Variants in ABCA1 observed in about 807,000 individuals in gnomAD.
ABCA1 encodes ATP binding cassette subfamily A member 1.
In ABCA1, 133 loss-of-function variants were observed where a neutral mutation model predicts 262.5. That is an observed-to-expected ratio of 0.51 (90% CI 0.44 to 0.59). The LOEUF (loss-of-function observed/expected upper bound fraction) is 0.59. Ranked by LOEUF, ABCA1 falls within the 20% of genes least tolerant of loss-of-function variation. The pLI is 0.00. For missense variants in ABCA1, 2,452 were observed against 2,777.5 expected (o/e 0.88, Z 2.63); for synonymous variants, 1,022 against 1,043.5 (o/e 0.98, Z 0.40).
At chr9:104,835,287 A>G (rs1295114299) in intron 11 of ABCA1, among the ~76,000 whole-genome samples, 4 of 151,814 alleles carry the variant, frequency 2.6e-5, no homozygotes, top group Admixed American at 2.6e-4. Context: ...GAAGCAAAGA[A>G]AACAGTTGGA....
intron 2 of ABCA1, among the ~76,000 whole-genome samples, chr9:104,899,362 T>A (rs1688438377): frequency 6.6e-6 from 1 of 152,174 alleles, no homozygotes. Flanking sequence ...GTTTTAATTT[T>A]TGGATAGTTC....
intron 19 of ABCA1, 144 bp from the exon 20 acceptor site, chr9:104,821,650 A>G (rs1392052660): frequency 5.2e-6 from 5 of 954,128 alleles, no homozygotes; most frequent in Non-Finnish European, 7.8e-6. Context: ...GACCCACACA[A>G]AGCAAAGCTG....
In ABCA1 at chr9:104,784,321, A is replaced by G. The variant is rs780958155; in HGVS notation, c.6780T>C (p.Tyr2260=). Residue 2260 remains tyrosine, a synonymous_variant, in exon 50 of 50, where the codon TAT becomes TAC. Coordinates refer to ENST00000374736, the MANE Select transcript of ABCA1 (RefSeq NM_005502.4). ...FLQDEKVKES[Y]V ...CCCGTATGAACAGGATTCTTCATAC[A>G]TAGCTTTCTTTCACTTTCTCATCCT... 1 of 1,614,132 alleles carries G rather than the reference A, an allele frequency of 6.2e-7. No individual in the cohort carries two copies. The highest frequency in any genetic ancestry group is 8.5e-7 in the Non-Finnish European group (1 of 1,180,000).
At chr9:104,869,804 C>T (rs1276825911) in intron 5 of ABCA1, among the ~76,000 whole-genome samples, 2 of 152,102 alleles carry the variant, frequency 1.3e-5, no homozygotes, top group African/African-American at 4.8e-5. Context: ...CAAGACATAC[C>T]TGAAAAAACT....
At chr9:104,846,783 C>T (rs1179548264) in intron 7 of ABCA1, among the ~76,000 whole-genome samples, 5 of 152,138 alleles carry the variant, frequency 3.3e-5, no homozygotes, top group African/African-American at 4.8e-5. Flanking sequence ...AAGGGACCTA[C>T]GCGGTCTCCC....
intron 11 of ABCA1, among the ~76,000 whole-genome samples, chr9:104,835,103 C>T (rs887745051): frequency 6.6e-6 from 1 of 152,008 alleles, no homozygotes; most frequent in African/African-American, 2.4e-5. Flanking sequence ...CAAAAATTAG[C>T]CGGGCACAGT....
intron 2 of ABCA1, among the ~76,000 whole-genome samples, chr9:104,895,722 T>C (rs911560203): frequency 2.0e-5 from 3 of 152,204 alleles, no homozygotes; most frequent in Non-Finnish European, 2.9e-5. Context: ...ACTTGATTAT[T>C]CATGCCTGAC....
intron 2 of ABCA1, among the ~76,000 whole-genome samples, chr9:104,902,164 A>T: frequency 6.6e-6 from 1 of 152,188 alleles, no homozygotes; most frequent in East Asian, 1.9e-4. Context: ...GAGGATTTTA[A>T]ACACTTTGTT....
intron 3 of ABCA1, 135 bp from the exon 4 acceptor site, chr9:104,884,703 T>A: frequency 4.9e-6 from 5 of 1,027,660 alleles, no homozygotes; most frequent in Non-Finnish European, 7.4e-6. Flanking sequence ...CTGTCTCTTC[T>A]GAATAAAACT....
At chr9:104,795,180 G>A (rs1369088288) in intron 39 of ABCA1, among the ~76,000 whole-genome samples, 1 of 152,218 alleles carries the variant, frequency 6.6e-6, no homozygotes, top group Non-Finnish European at 1.5e-5. Flanking sequence ...GCTAAATCTT[G>A]AAGGGCAAGG....
chr9:104,788,475 A>G lies in ABCA1; in HGVS notation c.6020T>C (p.Val2007Ala). 1 of 1,614,176 alleles carries G rather than the reference A, an allele frequency of 6.2e-7. No homozygotes were observed. The highest frequency in any genetic ancestry group is 8.5e-7 in the Non-Finnish European group (1 of 1,180,022). Reference sequence around the variant, plus strand: ...TCCTCTCAAAAGGGCAAAGAACTCCACGTGTTCTCTCCCAGTCAACAGCTC... The same window carrying G: ...TCCTCTCAAAAGGGCAAAGAACTCCGCGTGTTCTCTCCCAGTCAACAGCTC... ...ITELLTGREH[V>A]EFFALLRGVP... Residue 2007 changes from valine to alanine, a missense_variant, in exon 45 of 50, where the codon GTG becomes GCG. Physicochemically the swap from Val to Ala is moderately conservative, Grantham distance 64 (BLOSUM62 0). This residue lies in a region of ABCA1 where 752 missense variants were observed against 944.5 expected (regional missense o/e 0.80). Transcript: ENST00000374736.
intron 7 of ABCA1, among the ~76,000 whole-genome samples, chr9:104,847,812 A>G (rs1478275867): frequency 6.6e-6 from 1 of 152,262 alleles, no homozygotes; most frequent in Non-Finnish European, 1.5e-5. Context: ...GCCAAACGGC[A>G]AAATAAAAGA....
chr9:104,912,454 C>G (rs925746207), intron 1 of ABCA1, among the ~76,000 whole-genome samples: 12 of 152,314 alleles, frequency 7.9e-5, no homozygotes, highest in Admixed American at 5.9e-4. Context: ...CCATCTATAT[C>G]ATGTCACTGA....
chr9:104,889,026 T>A (rs1263963120), intron 3 of ABCA1, 76 bp downstream of exon 3: 56 of 1,301,724 alleles, frequency 4.3e-5, no homozygotes, highest in Non-Finnish European at 6.1e-5. Flanking sequence ...TTTGGAAAAG[T>A]CCAATTTAGC....
At chr9:104,919,532 A>C (rs1394089047) in intron 1 of ABCA1, among the ~76,000 whole-genome samples, 3 of 152,124 alleles carry the variant, frequency 2.0e-5, no homozygotes, top group Non-Finnish European at 2.9e-5. Flanking sequence ...GAACTGCTTG[A>C]ATCTGGGAGG....
chr9:104,788,012 C>T lies in ABCA1; in HGVS notation c.6112G>A (p.Gly2038Arg), dbSNP rs1284927970. ...AIRKLGLVKY[G>R]EKYAGNYSGG... The stretch of plus-strand genomic sequence containing the variant: ...CTATAGTTACCAGCATATTTTTCTC[C>T]ATACTTCACGAGGCCCAGTTTCCGA... The change falls in exon 46 of 50, where the codon GGA (glycine) becomes AGA (arginine). Residue 2038 changes from glycine (G) to arginine (R), a missense_variant. Physicochemically the swap from Gly to Arg is moderately radical, Grantham distance 125. Coordinates refer to ENST00000374736, the MANE Select transcript of ABCA1 (RefSeq NM_005502.4). The T allele has an allele frequency of 6.2e-7, 1 of 1,614,196 alleles. No individual in the cohort carries two copies. Among genetic ancestry groups the T allele is most frequent in the South Asian group, 1.1e-5 (1 of 91,082 alleles).
At chr9:104,893,780 C>A (rs1278010578) in intron 2 of ABCA1, among the ~76,000 whole-genome samples, 1 of 152,108 alleles carries the variant, frequency 6.6e-6, no homozygotes, top group Non-Finnish European at 1.5e-5. Flanking sequence ...ACTCAGGAGG[C>A]CACATGACAT....
chr9:104,924,823 C>T (rs2472377), intron 1 of ABCA1, among the ~76,000 whole-genome samples: 69,615 of 151,682 alleles, frequency 0.46, 16,145 homozygotes, highest in East Asian at 0.65. Flanking sequence ...TCCCGGCTTA[C>T]GGGAGAGAAG....
intron 1 of ABCA1, among the ~76,000 whole-genome samples, chr9:104,916,139 A>T: frequency 6.6e-6 from 1 of 152,344 alleles, no homozygotes; most frequent in East Asian, 1.9e-4. Flanking sequence ...ATACTTGACC[A>T]AAGGCTTTCT....
Sources: gnomAD v4.1 joint callset for allele counts (sites outside exome capture counted in the v4.1 genomes callset) on GRCh38, gnomAD v4.1.1 for gene constraint, gnomAD v4.1.1 regional missense constraint, MANE v1.5 for transcripts, NCBI Gene and HGNC (gene_info 2026-07-23, HGNC 2026-07-21) for gene names.